Variants in GLRX3 observed in about 807,000 individuals in gnomAD.
The protein encoded by GLRX3 is glutaredoxin-3.
A neutral mutation model predicts 49.5 loss-of-function variants in GLRX3; 22 were observed. The ratio of observed to expected loss-of-function variants is 0.44; its 90% CI spans 0.32 to 0.63. The LOEUF is 0.63. Among genes scored for constraint, GLRX3 ranks in the 30% least tolerant of loss-of-function variants. The pLI, the probability that GLRX3 is intolerant of heterozygous loss-of-function variation, is 0.05. For missense variants in GLRX3, 385 were observed against 396.3 expected (o/e 0.97, Z 0.24); for synonymous variants, 133 against 140.0 (o/e 0.95, Z 0.35).
intron 8 of GLRX3, among the ~76,000 whole-genome samples, chr10:130,172,897 C>T (rs563344299): frequency 4.6e-5 from 7 of 152,246 alleles, no homozygotes; most frequent in Admixed American, 1.3e-4. Context: ...GAGCTGAAAC[C>T]ACGCCACTGC....
intron 1 of GLRX3, among the ~76,000 whole-genome samples, chr10:130,137,821 GCCTCC>G (rs2134862970): frequency 6.6e-6 from 1 of 151,880 alleles, no homozygotes; most frequent in Admixed American, 6.6e-5. Context: ...TGCAGCCTCC[GCCTCC>G]CAGGCTCAAG....
At chr10:130,162,057 A>C (rs1862585826) in intron 4 of GLRX3, among the ~76,000 whole-genome samples, 1 of 152,212 alleles carries the variant, frequency 6.6e-6, no homozygotes, top group South Asian at 2.1e-4. Context: ...GTGCGACGGA[A>C]CCTCTGTCTA....
intron 6 of GLRX3, among the ~76,000 whole-genome samples, chr10:130,168,448 T>C (rs1026441119): frequency 1.3e-5 from 2 of 152,180 alleles, no homozygotes; most frequent in African/African-American, 4.8e-5. Context: ...AGGATATTTA[T>C]TATTATTTTT....
chr10:130,148,449 T>C (rs1358822959), intron 2 of GLRX3, among the ~76,000 whole-genome samples: 1 of 144,734 alleles, frequency 6.9e-6, no homozygotes, highest in African/African-American at 2.7e-5. Context: ...TTTTTTTTTT[T>C]TTTTTTTTTT....
chr10:130,139,654 AC>A (rs200165091), intron 1 of GLRX3, among the ~76,000 whole-genome samples: 52,509 of 145,984 alleles, frequency 0.36, 9,754 homozygotes, highest in South Asian at 0.41. Flanking sequence ...AAAAAAAAAA[AC>A]CAAAAAAAGA....
intron 7 of GLRX3, 125 bp downstream of exon 7, chr10:130,169,615 A>G (rs1862765224): frequency 5.9e-6 from 4 of 677,320 alleles, no homozygotes; most frequent in Non-Finnish European, 1.1e-5. Context: ...GAAGTTATCC[A>G]CGCCTTAATT....
chr10:130,160,115 A>C (rs776869164), intron 3 of GLRX3, 46 bp downstream of exon 3: 1 of 1,122,576 alleles, frequency 8.9e-7, no homozygotes, highest in Non-Finnish European at 1.4e-6. Context: ...GTAGGGTGCC[A>C]TGGGGCTACC....
intron 10 of GLRX3, among the ~76,000 whole-genome samples, chr10:130,177,199 C>T (rs1026838054): frequency 2.0e-5 from 3 of 152,180 alleles, no homozygotes; most frequent in Middle Eastern, 3.4e-3. Context: ...GAGCAATGAG[C>T]GTTTGTTTTG....
chr10:130,161,094 C>CATACATCTT, intron 4 of GLRX3, 97 bp downstream of exon 4: 1 of 781,228 alleles, frequency 1.3e-6, no homozygotes. Context: ...GATGCTATAC[C>CATACATCTT]ATACATCTTA....
At chr10:130,174,175 G>T (rs749928373) in intron 8 of GLRX3, among the ~76,000 whole-genome samples, 1 of 152,224 alleles carries the variant, frequency 6.6e-6, no homozygotes, top group Non-Finnish European at 1.5e-5. Flanking sequence ...ATTAAAAACA[G>T]CACCCTCTCT....
At chr10:130,155,118 TGA>T (rs945283560) in intron 2 of GLRX3, among the ~76,000 whole-genome samples, 1 of 152,056 alleles carries the variant, frequency 6.6e-6, no homozygotes. Context: ...ATTACAGGTG[TGA>T]GCTACTGTGC....
chr10:130,139,810 C>T (rs1479348556), intron 1 of GLRX3, among the ~76,000 whole-genome samples: 1 of 151,982 alleles, frequency 6.6e-6, no homozygotes, highest in African/African-American at 2.4e-5. Flanking sequence ...TGCCTGTAGT[C>T]CCCAGCTACT....
At chr10:130,146,277 A>G (rs1478475006) in intron 2 of GLRX3, among the ~76,000 whole-genome samples, 2 of 152,234 alleles carry the variant, frequency 1.3e-5, no homozygotes, top group Non-Finnish European at 2.9e-5. Context: ...GCTGTAGAAA[A>G]TAATTCAGGA....
At position 130,169,501 on chromosome 10, in the gene GLRX3, C is replaced by T. The variant is rs777576211; in HGVS notation, c.771+11C>T. The stretch of plus-strand genomic sequence containing the variant: ...AAAGGAAACAAACAGGTAAAGAACT[C>T]AAAAATGGTTTTATTTGTAATTTCT... On this transcript the variant is annotated intron_variant, in intron 7 of 10. Coordinates refer to ENST00000331244, the MANE Select transcript of GLRX3 (RefSeq NM_006541.5). 1 of 1,563,348 alleles carries T rather than the reference C, an allele frequency of 6.4e-7. No homozygotes were observed. Among genetic ancestry groups the T allele is most frequent in the Non-Finnish European group, 8.8e-7 (1 of 1,134,196 alleles).
At chr10:130,174,810 G>A in intron 8 of GLRX3, 57 bp from the exon 9 acceptor site, 2 of 1,081,464 alleles carry the variant, frequency 1.8e-6, no homozygotes, top group South Asian at 1.3e-5. Context: ...AATGCATAGA[G>A]GTTTTACACT....
At chr10:130,171,410 A>C (rs943029061) in intron 7 of GLRX3, among the ~76,000 whole-genome samples, 174 bp from the exon 8 acceptor site, 8 of 152,126 alleles carry the variant, frequency 5.3e-5, no homozygotes, top group Non-Finnish European at 1.0e-4. Context: ...GCCTGGGTTG[A>C]TGTGTAGATG....
intron 8 of GLRX3, among the ~76,000 whole-genome samples, chr10:130,173,268 C>CTT (rs1862849365): frequency 6.6e-6 from 1 of 152,164 alleles, no homozygotes; most frequent in Admixed American, 6.5e-5. Context: ...TGTCCCATAT[C>CTT]TGTCTAATCT....
chr10:130,158,165 G>T (rs1454646550), intron 2 of GLRX3, among the ~76,000 whole-genome samples: 1 of 151,922 alleles, frequency 6.6e-6, no homozygotes, highest in African/African-American at 2.4e-5. Flanking sequence ...CAGAAGAATT[G>T]TTACTCCACT....
At chr10:130,162,033 A>G (rs1862585012) in intron 4 of GLRX3, among the ~76,000 whole-genome samples, 2 of 152,282 alleles carry the variant, frequency 1.3e-5, no homozygotes. Context: ...TTGGAGTGCA[A>G]TGGCACGATC....
Sources: gnomAD v4.1 joint callset for allele counts (sites outside exome capture counted in the v4.1 genomes callset) on GRCh38, gnomAD v4.1.1 for gene constraint, MANE v1.5 for transcripts, NCBI Gene and HGNC (gene_info 2026-07-23, HGNC 2026-07-21) for gene names.